PPP6R1: variants seen among roughly 807,000 people sequenced by gnomAD.
PPP6R1 encodes serine/threonine-protein phosphatase 6 regulatory subunit 1.
PPP6R1 carries 39 observed loss-of-function variants against 104.6 expected under a neutral mutation model. The observed-to-expected ratio is 0.37, with a 90% CI of 0.29 to 0.49. The LOEUF (loss-of-function observed/expected upper bound fraction) is 0.49. Ranked by LOEUF, PPP6R1 falls within the 20% of genes least tolerant of loss-of-function variation. The pLI is 0.98. For synonymous variants in PPP6R1, 549 were observed against 479.0 expected, an observed-to-expected ratio of 1.15 and a Z score of -1.91; for missense variants, 1,181 against 1,155.8, an observed-to-expected ratio of 1.02 and a Z score of -0.32.
Position 55,242,284 on chromosome 19 carries a change from G to A in PPP6R1, c.732-5C>T, listed in dbSNP as rs766959382. The A allele has an allele frequency of 1.4e-5, 23 of 1,613,554 alleles. No individual in the cohort carries two copies. Among genetic ancestry groups the A allele is most frequent in the Middle Eastern group, 1.6e-4 (1 of 6,082 alleles). On this transcript the variant is annotated splice_region_variant and splice_polypyrimidine_tract_variant and intron_variant, in intron 6 of 23. Coordinates refer to ENST00000412770, the MANE Select transcript of PPP6R1 (RefSeq NM_014931.4). ...AGCTGCTCAATCGTCTCCTGCCTGC[G>A]GGGGCAGGGGCAGGGGTCAGGGTGA...
intron 1 of PPP6R1, among the ~76,000 whole-genome samples, chr19:55,250,027 C>T (rs2087541178): frequency 6.6e-6 from 1 of 152,210 alleles, no homozygotes; most frequent in African/African-American, 2.4e-5. Flanking sequence ...GCCAGTGCTC[C>T]TGGGGCTGCC....
In PPP6R1 at chr19:55,230,627, T is replaced by C. The variant is rs373451269; in HGVS notation, c.2628A>G (p.Ala876=). The C allele has an allele frequency of 6.2e-7, 1 of 1,611,830 alleles. No individual in the cohort carries two copies. Among genetic ancestry groups the C allele is most frequent in the Non-Finnish European group, 8.5e-7 (1 of 1,178,926 alleles). The change falls in exon 23 of 24, where the codon GCA becomes GCG. Residue 876 remains alanine (A), a synonymous_variant. Transcript: ENST00000412770. The stretch of plus-strand genomic sequence containing the variant: ...GCCACACTCACTGGGAGCCTGGGGA[T>C]GCAGGCCCTTCCGGGGCAGAGCCAT... The part of the protein sequence containing the change: ...IPNGSAPEGP[A]SPGSQ
Position 55,240,011 on chromosome 19 carries a change from G to T in PPP6R1, c.1465C>A (p.Gln489Lys), listed in dbSNP as rs1464090098. Residue 489 changes from glutamine to lysine, a missense_variant, in exon 12 of 24, where the codon CAG becomes AAG. Physicochemically the swap from Gln to Lys is moderately conservative, Grantham distance 53 (BLOSUM62 1). Transcript: ENST00000412770. ...TGGGGACCCTCACCCTTCAGCAGCT[G>T]CCGCAGCTGCTCTGCATTGGGCCCC... ...EKGPNAEQLRQLLKELPSEQQ... is the reference protein window; with the variant it reads ...EKGPNAEQLRKLLKELPSEQQ... 1 of 1,604,024 alleles carries T rather than the reference G, an allele frequency of 6.2e-7. No individual in the cohort carries two copies. The highest frequency in any genetic ancestry group is 1.1e-5 in the South Asian group (1 of 89,726).
intron 10 of PPP6R1, among the ~76,000 whole-genome samples, chr19:55,240,524 C>T (rs890666616): frequency 1.4e-5 from 2 of 141,340 alleles, no homozygotes; most frequent in East Asian, 2.1e-4. Context: ...TACACACACA[C>T]ACACACACAC....
chr19:55,249,447 G>T (rs1380092006), intron 1 of PPP6R1, among the ~76,000 whole-genome samples: 1 of 152,140 alleles, frequency 6.6e-6, no homozygotes, highest in Non-Finnish European at 1.5e-5. Flanking sequence ...CACCACGTTA[G>T]CCAGGCTGGC....
Position 55,257,078 on chromosome 19 carries a change from TAAAAAAAA to T in PPP6R1, c.-7+1349_-7+1356del, listed in dbSNP as rs35336959. Among the ~76,000 whole-genome samples the T allele has an allele frequency of 8.6e-3, 810 of 94,280 alleles. 7 individuals carry two copies. Among genetic ancestry groups the T allele is most frequent in the African/African-American group, 0.03 (761 of 25,304 alleles). The allele number at this position is 94,280 out of a possible 152,430, so 61.9% of individuals were successfully genotyped here. On this transcript the variant is annotated intron_variant, in intron 1 of 23. Transcript: ENST00000412770. Reference sequence around the variant, plus strand: ...ATGATCCCAATCCCAGAACTAGAGTTAAAAAAAAAAAAAAAAAAAAAGCATAACATTTT... The same window carrying T: ...ATGATCCCAATCCCAGAACTAGAGTTAAAAAAAAAAAAAGCATAACATTTT...
chr19:55,231,066 A>C (rs2087340445), intron 21 of PPP6R1, 182 bp from the exon 22 acceptor site: 3 of 627,358 alleles, frequency 4.8e-6, no homozygotes. Flanking sequence ...CTGGACAGGA[A>C]GACAAGCACC....
At chr19:55,257,331 C>T (rs1665938522) in intron 1 of PPP6R1, among the ~76,000 whole-genome samples, 1 of 152,220 alleles carries the variant, frequency 6.6e-6, no homozygotes, top group African/African-American at 2.4e-5. Context: ...CAACTGTGAA[C>T]CCAGTACCGC....
intron 10 of PPP6R1, among the ~76,000 whole-genome samples, chr19:55,240,548 C>T (rs1370596215): frequency 4.0e-5 from 6 of 151,624 alleles, no homozygotes; most frequent in African/African-American, 1.5e-4. Context: ...CACACACACA[C>T]ACACACACAT....
chr19:55,229,144 G>T (rs1297467091), downstream of PPP6R1: 3 of 200,410 alleles, frequency 1.5e-5, no homozygotes, highest in Non-Finnish European at 3.2e-5. Flanking sequence ...AGGCGAGTCT[G>T]TCCTTCACTT....
Position 55,245,332 on chromosome 19 carries a change from A to G in PPP6R1, c.485T>C (p.Ile162Thr). The G allele has an allele frequency of 6.2e-7, 1 of 1,610,842 alleles. No homozygotes were observed. Among genetic ancestry groups the G allele is most frequent in the Non-Finnish European group, 8.5e-7 (1 of 1,178,700 alleles). Residue 162 changes from isoleucine (I) to threonine (T), a missense_variant, in exon 4 of 24, where the codon ATC (isoleucine) becomes ACC (threonine). Ile to Thr is a moderately conservative substitution (Grantham distance 89). This residue lies in a region of PPP6R1 where 1,042 missense variants were observed against 955.6 expected (regional missense o/e 1.09). Coordinates refer to ENST00000412770, the MANE Select transcript of PPP6R1 (RefSeq NM_014931.4). The surrounding 1 kb of genome is among the most constrained non-coding windows in gnomAD (Gnocchi z 6.4). ...GAGCAGGCGCAGCAGGAGGTCCATGATGGCCGAGGTGCCAATGTGCTGCAG... is the reference window on the plus strand; with the variant it reads ...GAGCAGGCGCAGCAGGAGGTCCATGGTGGCCGAGGTGCCAATGTGCTGCAG... ...LLLQHIGTSA[I>T]MDLLLRLLTC... is the part of the protein sequence containing the mutation.
rs1319193213 is a variant in PPP6R1 at position 55,241,165 on chromosome 19, C to A, written c.1161+74G>T. The A allele has an allele frequency of 6.7e-7, 1 of 1,494,488 alleles. No homozygotes were observed. Among genetic ancestry groups the A allele is most frequent in the Admixed American group, 2.0e-5 (1 of 49,072 alleles). The allele number at this position is 1,494,488 out of a possible 1,614,324, so 92.6% of individuals were successfully genotyped here. A position where few individuals can be genotyped will look rare whatever the true frequency, so the allele number is the denominator to read the frequency against. ...TGAGCCCCCAGCCGAGCCCCCACCC[C>A]AGCCCCCGAACCCTCAGCCCAGTCC... On this transcript the variant is annotated intron_variant, in intron 9 of 23. Transcript: ENST00000412770. The surrounding 1 kb of genome is among the most constrained non-coding windows in gnomAD (Gnocchi z 5.4).
chr19:55,236,522 C>A, intron 17 of PPP6R1, 121 bp downstream of exon 17: 1 of 1,148,294 alleles, frequency 8.7e-7, no homozygotes, highest in Non-Finnish European at 1.2e-6. Flanking sequence ...CTAATACACA[C>A]ACCAATGCAG....
In PPP6R1 at chr19:55,236,838, T is replaced by C. The variant is rs1320473009; in HGVS notation, c.1810-17A>G. Reference sequence around the variant, plus strand: ...GGCGTTGGGCTGCAGGGCACAGGGGTGGGAGGATGGGCCACACTGCCCACA... The same window carrying C: ...GGCGTTGGGCTGCAGGGCACAGGGGCGGGAGGATGGGCCACACTGCCCACA... On this transcript the variant is annotated splice_polypyrimidine_tract_variant and intron_variant, in intron 16 of 23. Coordinates refer to ENST00000412770, the MANE Select transcript of PPP6R1 (RefSeq NM_014931.4). The C allele has an allele frequency of 9.3e-6, 15 of 1,611,874 alleles. No homozygotes were observed. Among genetic ancestry groups the C allele is most frequent in the Non-Finnish European group, 1.1e-5 (13 of 1,179,310 alleles).
At position 55,241,093 on chromosome 19, in the gene PPP6R1, C is replaced by T. The variant is rs1315907711; in HGVS notation, c.1162-14G>A. ...GAAGAAGAGGTCCTATGGGAGGACA[C>T]AGGATTGGTACCAGAGAGGCCCCGC... On this transcript the variant is annotated splice_polypyrimidine_tract_variant and intron_variant, in intron 9 of 23. Transcript: ENST00000412770. The surrounding 1 kb of genome is among the most constrained non-coding windows in gnomAD (Gnocchi z 5.4). 6.5e-7 allele frequency: 1 copy of T among 1,549,134 alleles called. No individual in the cohort carries two copies. Among genetic ancestry groups the T allele is most frequent in the Non-Finnish European group, 8.7e-7 (1 of 1,146,818 alleles).
Position 55,230,393 on chromosome 19 carries a change from G to T in PPP6R1, c.*135C>A. On this transcript the variant is annotated 3_prime_UTR_variant, in exon 24 of 24. Transcript: ENST00000412770. ...CCTGTCTCCCTGGCACCAGCCTCCT[G>T]GGGGTCCAGAGGAGAGAATGTGGGG... 1 of 1,354,134 alleles carries T rather than the reference G, an allele frequency of 7.4e-7. No individual in the cohort carries two copies. The allele number at this position is 1,354,134 out of a possible 1,614,324, so 83.9% of individuals were successfully genotyped here.
chr19:55,243,950 T>C (rs1368880760), intron 5 of PPP6R1, among the ~76,000 whole-genome samples: 1 of 152,130 alleles, frequency 6.6e-6, no homozygotes, highest in Non-Finnish European at 1.5e-5. Flanking sequence ...TTTTTTGGAG[T>C]GATAAAAAAT....
intron 17 of PPP6R1, among the ~76,000 whole-genome samples, chr19:55,235,201 G>GT (rs2087385596): frequency 7.2e-6 from 1 of 139,142 alleles, no homozygotes; most frequent in Non-Finnish European, 1.6e-5. Flanking sequence ...GGGCCGGCCA[G>GT]TATTAAGAGA....
chr19:55,251,330 C>T (rs960543005), intron 1 of PPP6R1, among the ~76,000 whole-genome samples: 5 of 152,214 alleles, frequency 3.3e-5, no homozygotes, highest in South Asian at 4.1e-4. Context: ...TGGCAATAAA[C>T]GCTCACAAGT....
Sources: allele counts gnomAD v4.1 joint callset (sites outside exome capture counted in the v4.1 genomes callset), GRCh38; gene constraint gnomAD v4.1.1; regional missense constraint gnomAD v4.1.1; non-coding constraint Gnocchi (gnomAD v3.1); transcripts MANE v1.5; gene names NCBI Gene and HGNC (gene_info 2026-07-23, HGNC 2026-07-21).